BCKDHB: variants seen among roughly 807,000 people sequenced by gnomAD.
BCKDHB encodes the protein branched chain keto acid dehydrogenase E1 subunit beta, also known as 2-oxoisovalerate dehydrogenase subunit beta, mitochondrial.
In BCKDHB, 41 loss-of-function variants were observed where a neutral mutation model predicts 48.5. The ratio of observed to expected loss-of-function variants is 0.85; its 90% confidence interval spans 0.66 to 1.10. The LOEUF is 1.10. Ranked by LOEUF, BCKDHB falls within the 50% of genes least tolerant of loss-of-function variation. The probability of loss-of-function intolerance (pLI) is 0.00; values close to 1 mark genes in which losing one functional copy is unlikely to be tolerated. For missense variants in BCKDHB, 496 were observed against 494.2 expected (o/e 1.00, Z -0.03); for synonymous variants, 201 against 174.8 (o/e 1.15, Z -1.18).
the BCKDHB span, among the ~76,000 whole-genome samples, chr6:80,393,677 T>C: frequency 9.2e-5 from 14 of 152,186 alleles, no homozygotes; most frequent in African/African-American, 2.2e-4. Flanking sequence ...TTCAACCACA[T>C]ACTCTGATCA....
chr6:80,406,247 C>T, the BCKDHB span, among the ~76,000 whole-genome samples: 1 of 152,142 alleles, frequency 6.6e-6, no homozygotes, highest in Admixed American at 6.5e-5. Context: ...TGGGTTTGTT[C>T]CAAGTCTTTG....
chr6:80,328,124 C>T lies in BCKDHB; in HGVS notation c.1039-15540C>T, dbSNP rs141300764. Reference sequence around the variant, plus strand: ...TTGAGGGACTAAGGACTTTCAAGCCCTTCTCATTCTCCCAGCCTGAGAGAT... The same window carrying T: ...TTGAGGGACTAAGGACTTTCAAGCCTTTCTCATTCTCCCAGCCTGAGAGAT... On this transcript the variant is annotated intron_variant, in intron 9 of 9. Transcript: ENST00000320393. 2.6e-5 allele frequency among the ~76,000 whole-genome samples: 4 copies of T among 152,224 alleles called. No individual in the cohort carries two copies. In the East Asian group the frequency reaches 7.7e-4, roughly 29 times the overall value.
intron 9 of BCKDHB, among the ~76,000 whole-genome samples, chr6:80,275,723 G>A (rs1398998381): frequency 6.6e-6 from 1 of 151,704 alleles, no homozygotes; most frequent in Non-Finnish European, 1.5e-5. Flanking sequence ...AGTAATCTGA[G>A]TAATAAAATA....
At chr6:80,250,112 T>C (rs944225013) in intron 8 of BCKDHB, among the ~76,000 whole-genome samples, 2 of 152,124 alleles carry the variant, frequency 1.3e-5, no homozygotes, top group Non-Finnish European at 2.9e-5. Context: ...TATCCTGTTT[T>C]AGTTGGCTCT....
At chr6:80,455,769 T>C in the BCKDHB span, among the ~76,000 whole-genome samples, 1 of 151,964 alleles carries the variant, frequency 6.6e-6, no homozygotes, top group African/African-American at 2.4e-5. Flanking sequence ...TTTAGCTATC[T>C]CTTATCACAT....
Position 80,288,422 on chromosome 6 carries a change from G to A in BCKDHB, c.1038+15201G>A, listed in dbSNP as rs754177914. Among the ~76,000 whole-genome samples, 110 of 152,076 alleles carry A rather than the reference G, an allele frequency of 7.2e-4. 1 individual carries two copies. The highest frequency in any genetic ancestry group is 2.6e-4 in the Admixed American group (4 of 15,272). On this transcript the variant is annotated intron_variant, in intron 9 of 9. Coordinates refer to ENST00000320393, the MANE Select transcript of BCKDHB (RefSeq NM_183050.4). ...AATTTGTTTAATGGCATACTGACAT[G>A]TTGTTATTCATCAACCTTAGGGTCT...
chr6:80,197,716 A>G (rs1774193303), intron 6 of BCKDHB, among the ~76,000 whole-genome samples: 1 of 152,196 alleles, frequency 6.6e-6, no homozygotes, highest in South Asian at 2.1e-4. Context: ...AGCCTTGTCT[A>G]CTGGCATTCA....
chr6:80,222,753 T>G (rs1775516985), intron 8 of BCKDHB, among the ~76,000 whole-genome samples: 1 of 152,194 alleles, frequency 6.6e-6, no homozygotes, highest in Admixed American at 6.5e-5. Flanking sequence ...TCTCAGTTTT[T>G]TAGGATGTGG....
At chr6:80,371,290 T>G in the BCKDHB span, among the ~76,000 whole-genome samples, 1 of 152,214 alleles carries the variant, frequency 6.6e-6, no homozygotes, top group East Asian at 1.9e-4. Context: ...TATATCTTTT[T>G]TTGAGAACTG....
intron 9 of BCKDHB, among the ~76,000 whole-genome samples, chr6:80,295,608 G>T: frequency 7.9e-6 from 1 of 127,036 alleles, no homozygotes; most frequent in Non-Finnish European, 1.7e-5. Context: ...TTCTCCAATT[G>T]TGTCCTGTTA....
intron 1 of BCKDHB, among the ~76,000 whole-genome samples, chr6:80,114,530 T>TG (rs1421126009): frequency 1.3e-5 from 2 of 152,154 alleles, no homozygotes; most frequent in Admixed American, 1.3e-4. Flanking sequence ...ATAAAAGGCA[T>TG]GAGCCACCAC....
intron 3 of BCKDHB, among the ~76,000 whole-genome samples, chr6:80,158,926 A>G (rs1582255774): frequency 6.6e-6 from 1 of 152,206 alleles, no homozygotes; most frequent in East Asian, 1.9e-4. Flanking sequence ...CCTTGATGAC[A>G]GGATTGCTTA....
the BCKDHB span, among the ~76,000 whole-genome samples, chr6:80,418,791 G>A: frequency 6.6e-6 from 1 of 152,120 alleles, no homozygotes; most frequent in Non-Finnish European, 1.5e-5. Context: ...CAGTGGTAGG[G>A]CAGCTGCAGC....
At chr6:80,303,725 A>G (rs1767703796) in intron 9 of BCKDHB, among the ~76,000 whole-genome samples, 1 of 152,082 alleles carries the variant, frequency 6.6e-6, no homozygotes, top group African/African-American at 2.4e-5. Context: ...GAGGTAGGGC[A>G]CAGCAAATAG....
the BCKDHB span, among the ~76,000 whole-genome samples, chr6:80,401,972 AT>A: frequency 6.6e-6 from 1 of 151,666 alleles, no homozygotes; most frequent in Non-Finnish European, 1.5e-5. Flanking sequence ...GTGTCTACAT[AT>A]TGTATATTGT....
intron 9 of BCKDHB, among the ~76,000 whole-genome samples, chr6:80,337,721 C>T (rs1344974830): frequency 1.3e-5 from 2 of 151,936 alleles, no homozygotes; most frequent in African/African-American, 4.8e-5. Flanking sequence ...CTGGACCTTG[C>T]TGTTTGCAAA....
At chr6:80,238,743 C>G (rs1398534755) in intron 8 of BCKDHB, among the ~76,000 whole-genome samples, 1 of 124,594 alleles carries the variant, frequency 8.0e-6, no homozygotes, top group East Asian at 2.9e-4. Flanking sequence ...AATGCTATCC[C>G]TCCCCCCTCC....
chr6:80,413,669 T>G, the BCKDHB span, among the ~76,000 whole-genome samples: 3 of 152,220 alleles, frequency 2.0e-5, no homozygotes. Context: ...ATGATGCATA[T>G]ATACTACATT....
intron 8 of BCKDHB, among the ~76,000 whole-genome samples, chr6:80,263,831 C>T (rs752719770): frequency 3.9e-5 from 6 of 152,040 alleles, no homozygotes; most frequent in Non-Finnish European, 7.4e-5. Context: ...TTCTTATTCA[C>T]GGTATGCTGG....
Sources: gnomAD v4.1 joint callset for allele counts (sites outside exome capture counted in the v4.1 genomes callset) on GRCh38, gnomAD v4.1.1 for gene constraint, MANE v1.5 for transcripts, NCBI Gene and HGNC (gene_info 2026-07-23, HGNC 2026-07-21) for gene names.